LTBP1: variants seen among roughly 807,000 people sequenced by gnomAD.
LTBP1 encodes the protein latent-transforming growth factor beta-binding protein 1.
LTBP1 carries 129 observed loss-of-function variants against 207.6 expected under a neutral mutation model. The ratio of observed to expected loss-of-function variants is 0.62; its 90% CI spans 0.54 to 0.72. The LOEUF is 0.72. Ranked by LOEUF, LTBP1 falls within the 30% of genes least tolerant of loss-of-function variation. The pLI, the probability that LTBP1 is intolerant of heterozygous loss-of-function variation, is 0.00. For synonymous variants in LTBP1, 963 were observed against 833.7 expected, an observed-to-expected ratio of 1.16 and a Z score of -2.67; for missense variants, 2,281 against 2,217.2, an observed-to-expected ratio of 1.03 and a Z score of -0.58.
chr2:32,990,997 CT>C (rs949840278), intron 2 of LTBP1, among the ~76,000 whole-genome samples: 23 of 152,272 alleles, frequency 1.5e-4, no homozygotes, highest in African/African-American at 5.1e-4. Flanking sequence ...GCTACTCCCC[CT>C]GGCTCAAAGT....
rs1244221993 is a variant in LTBP1 at position 33,228,697 on chromosome 2, C to CTTTTTTTTTTTTT, written c.1876+6555_1876+6567dup. Among the ~76,000 whole-genome samples the CTTTTTTTTTTTTT allele has an allele frequency of 9.2e-3, 906 of 98,970 alleles. 170 individuals are homozygous for CTTTTTTTTTTTTT. Among genetic ancestry groups the CTTTTTTTTTTTTT allele is most frequent in the African/African-American group, 0.024 (569 of 24,186 alleles). 64.9% of individuals were successfully genotyped at this position (98,970 alleles called of 152,430 possible). A position where few individuals can be genotyped will look rare whatever the true frequency, so the allele number is the denominator to read the frequency against. Reference sequence around the variant, plus strand: ...TAATAAGCCCAACCAGGGTTATACCCTTTTTTTTTTTTTTTTTTTTTGAGA... The same window carrying CTTTTTTTTTTTTT: ...TAATAAGCCCAACCAGGGTTATACCCTTTTTTTTTTTTTTTTTTTTTTTTTTTTTTTTTTGAGA... On this transcript the variant is annotated intron_variant, in intron 9 of 33. Transcript: ENST00000404816.
At chr2:32,996,396 C>T (rs1185330558) in intron 2 of LTBP1, among the ~76,000 whole-genome samples, 2 of 152,302 alleles carry the variant, frequency 1.3e-5, no homozygotes, top group South Asian at 4.1e-4. Flanking sequence ...AAAGGCCCCA[C>T]CTTCTAATAT....
At chr2:32,971,211 C>G (rs1475118623) in intron 2 of LTBP1, among the ~76,000 whole-genome samples, 1 of 152,066 alleles carries the variant, frequency 6.6e-6, no homozygotes, top group African/African-American at 2.4e-5. Context: ...TTGGGGTTTT[C>G]TAGATATAAA....
At chr2:33,022,748 G>A (rs1415187971) in intron 3 of LTBP1, among the ~76,000 whole-genome samples, 1 of 152,166 alleles carries the variant, frequency 6.6e-6, no homozygotes, top group Non-Finnish European at 1.5e-5. Flanking sequence ...TACGGTTTCT[G>A]TTGCATCTAC....
At chr2:33,379,158 C>G (rs1050263386) in intron 31 of LTBP1, among the ~76,000 whole-genome samples, 1 of 146,902 alleles carries the variant, frequency 6.8e-6, no homozygotes, top group African/African-American at 2.5e-5. Flanking sequence ...CAAGAAAATA[C>G]TAGGTTGGTG....
chr2:33,002,597 T>G (rs1444382253), intron 2 of LTBP1, among the ~76,000 whole-genome samples: 1 of 152,092 alleles, frequency 6.6e-6, no homozygotes, highest in Non-Finnish European at 1.5e-5. Flanking sequence ...ATCAAAAACA[T>G]AAAAAGAGGT....
intron 3 of LTBP1, among the ~76,000 whole-genome samples, chr2:33,031,765 A>G (rs12612110): frequency 0.22 from 33,149 of 152,082 alleles, 3,807 homozygotes; most frequent in East Asian, 0.33. Context: ...AATGAGATTG[A>G]GTGGGCAGGT....
intron 2 of LTBP1, among the ~76,000 whole-genome samples, chr2:33,013,954 C>T (rs1345355711): frequency 6.6e-6 from 1 of 152,074 alleles, no homozygotes; most frequent in East Asian, 1.9e-4. Flanking sequence ...TTTTGCTATG[C>T]TCAACTATCT....
intron 3 of LTBP1, among the ~76,000 whole-genome samples, chr2:33,034,281 A>T (rs955665193): frequency 6.6e-6 from 1 of 152,082 alleles, no homozygotes; most frequent in Non-Finnish European, 1.5e-5. Context: ...CTTTAGAATA[A>T]GTGCAAATGA....
chr2:33,309,458 A>C lies in LTBP1; in HGVS notation c.3506A>C (p.Lys1169Thr). 3 of 1,608,230 alleles carry C rather than the reference A, an allele frequency of 1.9e-6. No individual in the cohort carries two copies. The highest frequency in any genetic ancestry group is 2.5e-6 in the Non-Finnish European group (3 of 1,178,194). Residue 1169 changes from lysine (K) to threonine (T), a missense_variant, in exon 23 of 34, where the codon AAG becomes ACG. Around this residue, in one of 3 missense-constraint regions of LTBP1, gnomAD observed 1,671 missense variants for 1,634.8 expected, o/e 1.02. Coordinates refer to ENST00000404816, the MANE Select transcript of LTBP1 (RefSeq NM_206943.4). ...GATATCAATGAATGCTTGGAGGACAAGAGTGTTTGCCAGAGAGGAGACTGC... is the reference window on the plus strand; with the variant it reads ...GATATCAATGAATGCTTGGAGGACACGAGTGTTTGCCAGAGAGGAGACTGC... ...CEDINECLED[K>T]SVCQRGDCIN...
intron 2 of LTBP1, among the ~76,000 whole-genome samples, chr2:33,009,965 G>A (rs868155946): frequency 1.3e-5 from 2 of 152,192 alleles, no homozygotes; most frequent in Middle Eastern, 3.2e-3. Context: ...TAGATCTTCA[G>A]GAGAAGGGTC....
intron 3 of LTBP1, among the ~76,000 whole-genome samples, chr2:33,076,606 A>G (rs2078094814): frequency 6.6e-6 from 1 of 151,136 alleles, no homozygotes. Flanking sequence ...GCGTGATCTC[A>G]GCTCACTGCA....
chr2:33,111,667 G>T (rs1322844098), intron 4 of LTBP1, among the ~76,000 whole-genome samples: 1 of 152,172 alleles, frequency 6.6e-6, no homozygotes, highest in Non-Finnish European at 1.5e-5. Context: ...AATCTAAAGT[G>T]ATTGACTCTT....
intron 3 of LTBP1, among the ~76,000 whole-genome samples, chr2:33,083,128 A>G (rs1572551969): frequency 2.0e-5 from 3 of 151,710 alleles, no homozygotes; most frequent in Admixed American, 2.0e-4. Context: ...GTCTCTTTCT[A>G]GTCTGGTGGA....
intron 3 of LTBP1, among the ~76,000 whole-genome samples, chr2:33,028,591 T>G (rs909438995): frequency 6.6e-6 from 1 of 152,178 alleles, no homozygotes; most frequent in Admixed American, 6.5e-5. Context: ...AGTCACTGAT[T>G]GGAATTAGCA....
At chr2:33,343,987 A>G (rs1170026759) in intron 25 of LTBP1, among the ~76,000 whole-genome samples, 2 of 152,212 alleles carry the variant, frequency 1.3e-5, no homozygotes, top group African/African-American at 2.4e-5. Context: ...ACTACATGGC[A>G]GGTGGAACTT....
At chr2:33,271,393 A>T (rs1170619545) in intron 15 of LTBP1, among the ~76,000 whole-genome samples, 1 of 152,142 alleles carries the variant, frequency 6.6e-6, no homozygotes, top group Non-Finnish European at 1.5e-5. Flanking sequence ...CCCGGGAAAA[A>T]ACCCAAGAAA....
intron 3 of LTBP1, among the ~76,000 whole-genome samples, chr2:33,027,755 T>G (rs951824787): frequency 2.0e-5 from 3 of 152,146 alleles, no homozygotes; most frequent in Non-Finnish European, 4.4e-5. Context: ...GAGAATCGCT[T>G]GAACCCGGGA....
intron 18 of LTBP1, among the ~76,000 whole-genome samples, chr2:33,276,888 CT>C (rs755593996): frequency 6.6e-6 from 1 of 152,228 alleles, no homozygotes; most frequent in East Asian, 1.9e-4. Context: ...CACTATGGCA[CT>C]TTTTTTGCAA....
Sources: gnomAD v4.1 joint callset for allele counts (sites outside exome capture counted in the v4.1 genomes callset) on GRCh38, gnomAD v4.1.1 for gene constraint, gnomAD v4.1.1 regional missense constraint, MANE v1.5 for transcripts, NCBI Gene and HGNC (gene_info 2026-07-23, HGNC 2026-07-21) for gene names.